Variants in UGGT2 observed in about 807,000 individuals in gnomAD.
UGGT2 encodes the protein UDP-glucose:glycoprotein glucosyltransferase 2.
UGGT2 carries 180 observed loss-of-function variants against 192.1 expected under a neutral mutation model. That is an observed-to-expected ratio of 0.94 (90% confidence interval 0.83 to 1.06). The LOEUF (loss-of-function observed/expected upper bound fraction) is 1.06. Among genes scored for constraint, UGGT2 ranks in the 50% least tolerant of loss-of-function variants. The pLI, the probability that UGGT2 is intolerant of heterozygous loss-of-function variation, is 0.00. For synonymous variants in UGGT2, 580 were observed against 591.0 expected (o/e 0.98, Z 0.27); for missense variants, 1,849 against 1,795.7 (o/e 1.03, Z -0.54).
At chr13:95,967,887 T>G (rs564508524) in intron 12 of UGGT2, among the ~76,000 whole-genome samples, 15 of 152,328 alleles carry the variant, frequency 9.8e-5, no homozygotes, top group Non-Finnish European at 1.8e-4. Context: ...TATTTACATT[T>G]TTATGTTATT....
Position 95,825,062 on chromosome 13 carries a change from A to G in UGGT2, c.4528+7865T>C, listed in dbSNP as rs149661629. Among the ~76,000 whole-genome samples, 157 of 152,272 alleles carry G rather than the reference A, an allele frequency of 1.0e-3. 4 individuals are homozygous for G. The East Asian group carries it at 0.024, about 24-fold the overall frequency. On this transcript the variant is annotated intron_variant, in intron 38 of 38. Coordinates refer to ENST00000376747, the MANE Select transcript of UGGT2 (RefSeq NM_020121.4). ...TTCCTTGGTTGTGGAGAGTCTTTCTATGATGGCTTCCTCAGATGTGGTTGT... is the reference window on the plus strand; with the variant it reads ...TTCCTTGGTTGTGGAGAGTCTTTCTGTGATGGCTTCCTCAGATGTGGTTGT...
At chr13:95,967,773 G>A (rs911740391) in intron 12 of UGGT2, among the ~76,000 whole-genome samples, 1 of 152,054 alleles carries the variant, frequency 6.6e-6, no homozygotes, top group African/African-American at 2.4e-5. Flanking sequence ...TGCCTGGCCA[G>A]GCATAACTTT....
At chr13:95,978,770 T>C (rs1011630060) in intron 10 of UGGT2, among the ~76,000 whole-genome samples, 8 of 152,168 alleles carry the variant, frequency 5.3e-5, no homozygotes, top group Admixed American at 2.6e-4. Context: ...CAGATATAAA[T>C]CTTAATAGAA....
intron 1 of UGGT2, among the ~76,000 whole-genome samples, chr13:96,036,448 G>C (rs570168858): frequency 3.0e-4 from 45 of 152,212 alleles, no homozygotes; most frequent in African/African-American, 1.0e-3. Flanking sequence ...GTTAATGGAT[G>C]CTGGGCTTCA....
chr13:96,024,951 G>A (rs1290809677), intron 2 of UGGT2, among the ~76,000 whole-genome samples: 1 of 152,116 alleles, frequency 6.6e-6, no homozygotes, highest in Non-Finnish European at 1.5e-5. Flanking sequence ...GAAAGTGCTG[G>A]GCCCTTGACC....
At chr13:95,998,321 T>C (rs1220297680) in intron 6 of UGGT2, among the ~76,000 whole-genome samples, 4 of 152,238 alleles carry the variant, frequency 2.6e-5, no homozygotes, top group Non-Finnish European at 5.9e-5. Flanking sequence ...TAAAGCATTG[T>C]AGAGCTATAC....
At chr13:95,827,062 A>G (rs933750153) in intron 38 of UGGT2, among the ~76,000 whole-genome samples, 20 of 152,288 alleles carry the variant, frequency 1.3e-4, no homozygotes, top group Middle Eastern at 3.4e-3. Context: ...AATATATGAT[A>G]AAGATGGCAA....
At chr13:95,956,554 G>C (rs2050217065) in intron 12 of UGGT2, among the ~76,000 whole-genome samples, 1 of 152,190 alleles carries the variant, frequency 6.6e-6, no homozygotes, top group Non-Finnish European at 1.5e-5. Context: ...CAGGTATTAT[G>C]AATCAATGCT....
intron 21 of UGGT2, among the ~76,000 whole-genome samples, chr13:95,902,567 G>T (rs530696137): frequency 6.0e-5 from 9 of 150,996 alleles, no homozygotes; most frequent in Admixed American, 6.6e-5. Context: ...TGAGATTTAC[G>T]TAACGCTTTA....
chr13:96,030,441 T>C (rs2052800079), intron 2 of UGGT2, among the ~76,000 whole-genome samples: 1 of 152,212 alleles, frequency 6.6e-6, no homozygotes. Context: ...GGAAAAAATT[T>C]TGAAAGGAAA....
In UGGT2 at chr13:95,903,071, A is replaced by G. The variant is rs201114435; in HGVS notation, c.2296-11T>C. ...ATGAACACTTGTTTTCTGCAAACATATTTATAGATTAAAAAGACCAGTATC... is the reference window on the plus strand; with the variant it reads ...ATGAACACTTGTTTTCTGCAAACATGTTTATAGATTAAAAAGACCAGTATC... On this transcript the variant is annotated splice_polypyrimidine_tract_variant and intron_variant, in intron 20 of 38. Coordinates refer to ENST00000376747, the MANE Select transcript of UGGT2 (RefSeq NM_020121.4). 29 of 1,601,496 alleles carry G rather than the reference A, an allele frequency of 1.8e-5. No individual in the cohort carries two copies. In the Admixed American group the frequency reaches 4.0e-4, roughly 22 times the overall value.
At chr13:96,007,225 G>A (rs1031624307) in intron 5 of UGGT2, among the ~76,000 whole-genome samples, 6 of 152,034 alleles carry the variant, frequency 3.9e-5, no homozygotes, top group Non-Finnish European at 8.8e-5. Flanking sequence ...TGCTGAAAAG[G>A]CATTTGACAA....
At chr13:95,985,150 T>C (rs1479532154) in intron 9 of UGGT2, 2 of 589,504 alleles carry the variant, frequency 3.4e-6, no homozygotes, top group Non-Finnish European at 5.0e-6. Flanking sequence ...ACTAAAGTTA[T>C]TTTACTTTAT....
At chr13:95,805,694 C>T (rs1884267681) in intron 38 of UGGT2, among the ~76,000 whole-genome samples, 1 of 152,042 alleles carries the variant, frequency 6.6e-6, no homozygotes, top group Non-Finnish European at 1.5e-5. Context: ...AAAATAAATA[C>T]TATATTATCC....
At chr13:95,936,431 G>A (rs2049464818) in intron 17 of UGGT2, among the ~76,000 whole-genome samples, 1 of 152,176 alleles carries the variant, frequency 6.6e-6, no homozygotes, top group African/African-American at 2.4e-5. Flanking sequence ...CAGGCAATGG[G>A]CTGATCTGTG....
chr13:95,895,215 TTTAA>T lies in UGGT2; in HGVS notation c.2720_2723del (p.Ile907LysfsTer14). On this transcript the variant is annotated frameshift_variant, in exon 23 of 39. Transcript: ENST00000376747. LOFTEE classifies it high-confidence loss of function. Reference sequence around the variant, plus strand: ...TGATTCCCATATTTTCAACAATGCCTTTAATTTTCTCTCCTAAATTACTAAATGT... The same window carrying T: ...TGATTCCCATATTTTCAACAATGCCTTTTTCTCTCCTAAATTACTAAATGT... 1 of 1,585,370 alleles carries T rather than the reference TTTAA, an allele frequency of 6.3e-7. No individual in the cohort carries two copies. The highest frequency in any genetic ancestry group is 8.5e-7 in the Non-Finnish European group (1 of 1,171,230).
intron 29 of UGGT2, among the ~76,000 whole-genome samples, chr13:95,873,166 A>G (rs1891362381): frequency 6.6e-6 from 1 of 152,260 alleles, no homozygotes; most frequent in African/African-American, 2.4e-5. Flanking sequence ...CAGTTTGCAC[A>G]AAATTTAAAA....
intron 38 of UGGT2, among the ~76,000 whole-genome samples, chr13:95,802,780 A>C (rs1352859683): frequency 2.0e-5 from 3 of 152,152 alleles, no homozygotes; most frequent in Non-Finnish European, 4.4e-5. Context: ...TGAATCCAAA[A>C]GAGAAACTGA....
At chr13:96,003,669 G>A (rs933583735) in intron 5 of UGGT2, among the ~76,000 whole-genome samples, 1 of 152,102 alleles carries the variant, frequency 6.6e-6, no homozygotes, top group Admixed American at 6.5e-5. Flanking sequence ...AAGATGAAAG[G>A]CCATGTAGAA....
Sources: allele counts gnomAD v4.1 joint callset (sites outside exome capture counted in the v4.1 genomes callset), GRCh38; gene constraint gnomAD v4.1.1; transcripts MANE v1.5; gene names NCBI Gene and HGNC (gene_info 2026-07-23, HGNC 2026-07-21).